The following NTM variants were observed in gnomAD, a reference collection of about 807,000 sequenced individuals.
NTM encodes IgLON family member 2.
In NTM, 13 loss-of-function variants were observed where a neutral mutation model predicts 42.1. The ratio of observed to expected loss-of-function variants is 0.31; its 90% CI spans 0.20 to 0.49. The LOEUF is 0.49. Among genes scored for constraint, NTM ranks in the 20% least tolerant of loss-of-function variants. NTM has a pLI of 0.99. For synonymous variants in NTM, 187 were observed against 179.2 expected (o/e 1.04, Z -0.35); for missense variants, 373 against 452.8 (o/e 0.82, Z 1.60).
At chr11:132,315,475 T>G (rs1391640152) in intron 7 of NTM, among the ~76,000 whole-genome samples, 2 of 152,168 alleles carry the variant, frequency 1.3e-5, no homozygotes, top group African/African-American at 4.8e-5. Context: ...CGGTTGTGTT[T>G]TGGGCAAATT....
At chr11:132,183,671 T>C (rs1007712765) in intron 3 of NTM, among the ~76,000 whole-genome samples, 10 of 152,152 alleles carry the variant, frequency 6.6e-5, no homozygotes, top group Admixed American at 2.0e-4. Flanking sequence ...ATATCTTCTC[T>C]AGGTCTACCT....
At chr11:132,165,963 A>T (rs1300125294) in intron 3 of NTM, among the ~76,000 whole-genome samples, 1 of 152,198 alleles carries the variant, frequency 6.6e-6, no homozygotes, top group Non-Finnish European at 1.5e-5. Context: ...TAAAATAATT[A>T]TTACAGCTTG....
At chr11:131,803,006 G>A (rs2092254269) in intron 1 of NTM, among the ~76,000 whole-genome samples, 1 of 152,158 alleles carries the variant, frequency 6.6e-6, no homozygotes, top group Non-Finnish European at 1.5e-5. Flanking sequence ...AAGGACTATA[G>A]GCATCAGCCA....
intron 1 of NTM, among the ~76,000 whole-genome samples, chr11:131,898,566 C>T (rs566952896): frequency 8.5e-5 from 13 of 152,332 alleles, no homozygotes; most frequent in African/African-American, 9.6e-5. Flanking sequence ...TCTCTTCCAG[C>T]AGTCTGTAGC....
rs145674298 is a variant in NTM, at chr11:131,660,758, G to A, written c.83-250806G>A. ...AAGGAAAATCACGAAGGGAGACTGG[G>A]CCCTGGGGATAGGCTACTTGCGAAC... On this transcript the variant is annotated intron_variant, in intron 1 of 8. Transcript: ENST00000683400. 7 of 754,264 alleles carry A rather than the reference G, an allele frequency of 9.3e-6. No individual in the cohort carries two copies. In the East Asian group the frequency reaches 2.6e-4, roughly 28 times the overall value. The allele number at this position is 754,264 out of a possible 1,614,324, so 46.7% of individuals were successfully genotyped here. A position where few individuals can be genotyped will look rare whatever the true frequency, so the allele number is the denominator to read the frequency against.
chr11:131,934,073 C>A (rs1472018257), intron 2 of NTM, among the ~76,000 whole-genome samples: 2 of 152,118 alleles, frequency 1.3e-5, no homozygotes, highest in African/African-American at 4.8e-5. Context: ...GTCCTGTGTT[C>A]TAAACAACAG....
chr11:131,435,212 G>C (rs1949022617), intron 1 of NTM, among the ~76,000 whole-genome samples: 1 of 152,192 alleles, frequency 6.6e-6, no homozygotes, highest in South Asian at 2.1e-4. Flanking sequence ...ATAGTTTGAA[G>C]TCAGGTAGTG....
At chr11:131,584,923 G>C (rs2058722316) in intron 1 of NTM, among the ~76,000 whole-genome samples, 1 of 152,132 alleles carries the variant, frequency 6.6e-6, no homozygotes, top group Admixed American at 6.5e-5. Flanking sequence ...GCTTGGCAAA[G>C]AATAGGGAAC....
intron 2 of NTM, among the ~76,000 whole-genome samples, chr11:131,960,042 A>G (rs886964840): frequency 3.3e-5 from 5 of 152,212 alleles, no homozygotes; most frequent in Admixed American, 1.3e-4. Flanking sequence ...AATCCTGGCC[A>G]GTGCATTGAA....
chr11:131,668,700 G>C (rs1226213559), intron 1 of NTM, among the ~76,000 whole-genome samples: 1 of 152,198 alleles, frequency 6.6e-6, no homozygotes, highest in Non-Finnish European at 1.5e-5. Flanking sequence ...TGACTAATGA[G>C]TCTATTTCTG....
chr11:132,225,449 G>C (rs895574378), intron 4 of NTM, among the ~76,000 whole-genome samples: 2 of 152,210 alleles, frequency 1.3e-5, no homozygotes, highest in African/African-American at 2.4e-5. Flanking sequence ...TGTATGAAGA[G>C]AGGGTGTTCC....
intron 3 of NTM, among the ~76,000 whole-genome samples, chr11:132,154,738 G>A (rs921936345): frequency 1.3e-5 from 2 of 152,160 alleles, no homozygotes; most frequent in Admixed American, 1.3e-4. Context: ...GGCTAATTTA[G>A]GCTTTGAGGT....
chr11:132,148,429 T>C (rs577678846), intron 3 of NTM, among the ~76,000 whole-genome samples: 1 of 152,146 alleles, frequency 6.6e-6, no homozygotes, highest in Non-Finnish European at 1.5e-5. Flanking sequence ...TGGAAGCTAT[T>C]GCTCAGCCCC....
chr11:131,824,020 A>T (rs376175669), intron 1 of NTM, among the ~76,000 whole-genome samples: 3 of 152,178 alleles, frequency 2.0e-5, no homozygotes, highest in East Asian at 3.9e-4. Context: ...ACAAACATCT[A>T]AGGGAGGCGG....
chr11:132,044,110 ATGTGTATGTGTG>A (rs1233314458), intron 2 of NTM, among the ~76,000 whole-genome samples: 1 of 68,124 alleles, frequency 1.5e-5, no homozygotes, highest in Non-Finnish European at 2.9e-5. Flanking sequence ...ATATGTGTGT[ATGTGTATGTGTG>A]TGTATATATG....
At chr11:132,071,726 T>A (rs987401617) in intron 2 of NTM, among the ~76,000 whole-genome samples, 2 of 152,154 alleles carry the variant, frequency 1.3e-5, no homozygotes, top group Admixed American at 1.3e-4. Flanking sequence ...GTGTGCGTTT[T>A]TGTGTGAAAG....
At chr11:131,970,485 T>C (rs1028248974) in intron 2 of NTM, among the ~76,000 whole-genome samples, 1 of 152,208 alleles carries the variant, frequency 6.6e-6, no homozygotes, top group African/African-American at 2.4e-5. Context: ...GGCCACCTGA[T>C]TCCTAGCTGA....
chr11:132,153,908 G>T (rs982380429), intron 3 of NTM, among the ~76,000 whole-genome samples: 5 of 152,150 alleles, frequency 3.3e-5, no homozygotes, highest in Non-Finnish European at 5.9e-5. Context: ...TGGAGTAATT[G>T]AATTTACCTG....
intron 1 of NTM, among the ~76,000 whole-genome samples, chr11:131,432,398 C>T (rs190078662): frequency 6.6e-6 from 1 of 152,260 alleles, no homozygotes; most frequent in Admixed American, 6.5e-5. Flanking sequence ...GTGTGAGAAA[C>T]TGACAGAGGA....
Sources: allele counts gnomAD v4.1 joint callset (sites outside exome capture counted in the v4.1 genomes callset), GRCh38; gene constraint gnomAD v4.1.1; transcripts MANE v1.5; gene names NCBI Gene and HGNC (gene_info 2026-07-23, HGNC 2026-07-21).